BCL11A: variants seen among roughly 807,000 people sequenced by gnomAD.
BCL11A encodes BCL11 transcription factor A, also known as B cell CLL/lymphoma 11A.
In BCL11A, 2 loss-of-function variants were observed where a neutral mutation model predicts 55.9. That is an observed-to-expected ratio of 0.04 (90% CI 0.01 to 0.11). The LOEUF is 0.11. Ranked by LOEUF, BCL11A falls within the 10% of genes least tolerant of loss-of-function variation. The probability of loss-of-function intolerance (pLI) is 1.00; values close to 1 mark genes in which losing one functional copy is unlikely to be tolerated. For missense variants in BCL11A, 817 were observed against 1,137.1 expected (o/e 0.72, Z 4.05); for synonymous variants, 465 against 473.4 (o/e 0.98, Z 0.23).
intron 2 of BCL11A, among the ~76,000 whole-genome samples, chr2:60,494,087 C>A (rs920216795): frequency 3.9e-5 from 6 of 152,146 alleles, no homozygotes; most frequent in African/African-American, 1.4e-4. Flanking sequence ...GAACAGAGAC[C>A]ACTACTGGCA....
intron 3 of BCL11A, among the ~76,000 whole-genome samples, chr2:60,463,889 ACAGCTAGTATTTGT>A (rs1281798623): frequency 6.6e-6 from 1 of 151,346 alleles, no homozygotes; most frequent in Non-Finnish European, 1.5e-5. Context: ...CTTTAAGGCC[ACAGCTAGTATTTGT>A]CAGTAACTTT....
At chr2:60,485,263 G>A (rs557966180) in intron 2 of BCL11A, among the ~76,000 whole-genome samples, 2 of 152,346 alleles carry the variant, frequency 1.3e-5, no homozygotes, top group South Asian at 4.1e-4. Context: ...GAGGTGGGGT[G>A]AGAGGCCATA....
chr2:60,551,798 T>C (rs1670424256), intron 1 of BCL11A, among the ~76,000 whole-genome samples: 1 of 150,336 alleles, frequency 6.7e-6, no homozygotes, highest in African/African-American at 2.4e-5. Flanking sequence ...GGGTGGGCGA[T>C]CCGGGGCTGG....
intron 2 of BCL11A, among the ~76,000 whole-genome samples, chr2:60,519,438 T>C (rs1395063646): frequency 6.6e-6 from 1 of 152,196 alleles, no homozygotes; most frequent in African/African-American, 2.4e-5. Context: ...CTTTATGCAG[T>C]GCCAAAAATG....
chr2:60,519,460 T>A (rs1398318797), intron 2 of BCL11A, among the ~76,000 whole-genome samples: 2 of 152,200 alleles, frequency 1.3e-5, no homozygotes, highest in Non-Finnish European at 2.9e-5. Flanking sequence ...GTCTATAACC[T>A]GTAAGGAGAG....
intron 2 of BCL11A, chr2:60,527,385 C>G (rs1007227691): frequency 2.0e-5 from 3 of 152,180 alleles, no homozygotes; most frequent in Admixed American, 1.3e-4. Context: ...AAGGGAGAAC[C>G]ACTACACTCT....
chr2:60,467,080 G>GGTGGTGATGATGGTGGTGGTA (rs1676658301), intron 3 of BCL11A, among the ~76,000 whole-genome samples: 2 of 150,126 alleles, frequency 1.3e-5, no homozygotes, highest in South Asian at 2.1e-4. Flanking sequence ...CAGTGGTGGT[G>GGTGGTGATGATGGTGGTGGTA]GTGGTGGTGG....
chr2:60,492,795 G>A (rs986955264), intron 2 of BCL11A, among the ~76,000 whole-genome samples: 7 of 152,150 alleles, frequency 4.6e-5, no homozygotes. Flanking sequence ...TCCAGTGGTG[G>A]GTGTTTTGTT....
intron 1 of BCL11A, among the ~76,000 whole-genome samples, chr2:60,550,412 C>T (rs370641224): frequency 6.6e-6 from 1 of 152,218 alleles, no homozygotes; most frequent in Admixed American, 6.5e-5. Flanking sequence ...CCCACCCCCA[C>T]CCTCGCAAAG....
chr2:60,451,133 A>G, downstream of BCL11A: 1 of 185,052 alleles, frequency 5.4e-6, no homozygotes, highest in Non-Finnish European at 1.1e-5. Context: ...TGCACGAGAC[A>G]GCACTGTATA....
chr2:60,466,416 G>C (rs554662309), intron 3 of BCL11A, among the ~76,000 whole-genome samples: 1 of 152,206 alleles, frequency 6.6e-6, no homozygotes, highest in East Asian at 1.9e-4. Context: ...AGCATGCAGG[G>C]ACTAGAAACC....
chr2:60,531,551 A>T (rs1367515860), intron 2 of BCL11A, among the ~76,000 whole-genome samples: 1 of 152,264 alleles, frequency 6.6e-6, no homozygotes, highest in Non-Finnish European at 1.5e-5. Context: ...AAATAGATTC[A>T]TAAGCCTTGG....
intron 2 of BCL11A, among the ~76,000 whole-genome samples, chr2:60,530,482 G>A (rs751691090): frequency 6.6e-6 from 1 of 151,682 alleles, no homozygotes; most frequent in Non-Finnish European, 1.5e-5. Context: ...GGTTACTGGC[G>A]TTATCACAAC....
chr2:60,521,444 A>C (rs992395622), intron 2 of BCL11A, among the ~76,000 whole-genome samples: 1 of 152,206 alleles, frequency 6.6e-6, no homozygotes, highest in Non-Finnish European at 1.5e-5. Context: ...GGCAGAGACG[A>C]GGCCCACCAT....
intron 2 of BCL11A, among the ~76,000 whole-genome samples, chr2:60,495,951 C>T (rs1373380809): frequency 8.8e-6 from 1 of 113,332 alleles, no homozygotes; most frequent in East Asian, 4.4e-4. Context: ...GGTGTTTTCA[C>T]TATTCTTAGC....
At chr2:60,533,477 T>C (rs1405790407) in intron 2 of BCL11A, 1 of 152,238 alleles carries the variant, frequency 6.6e-6, no homozygotes, top group Non-Finnish European at 1.5e-5. Flanking sequence ...AAGTTAGTGT[T>C]GCTTGTTTTG....
Position 60,469,963 on chromosome 2 carries a change from A to G in BCL11A, c.386-1130T>C, listed in dbSNP as rs527864479. Among the ~76,000 whole-genome samples, 6 of 152,296 alleles carry G rather than the reference A, an allele frequency of 3.9e-5. No individual in the cohort carries two copies. In the South Asian group the frequency reaches 1.2e-3, roughly 32 times the overall value. On this transcript the variant is annotated intron_variant, in intron 2 of 3. Transcript: ENST00000642384. ...GTATGTTTTCCATTAGCTTAATATT[A>G]AGAGCACTTAGAAGTGTTGTTGTTG...
intron 2 of BCL11A, among the ~76,000 whole-genome samples, chr2:60,512,685 A>T (rs1260370812): frequency 6.6e-6 from 1 of 152,198 alleles, no homozygotes; most frequent in Non-Finnish European, 1.5e-5. Context: ...ATCTAATTGG[A>T]GATGGTTTCA....
intron 2 of BCL11A, among the ~76,000 whole-genome samples, chr2:60,511,405 T>C (rs1162897611): frequency 6.6e-6 from 1 of 152,252 alleles, no homozygotes; most frequent in African/African-American, 2.4e-5. Context: ...AATGTCATTC[T>C]ATGTGACTCC....
Sources: allele counts gnomAD v4.1 joint callset (sites outside exome capture counted in the v4.1 genomes callset), GRCh38; gene constraint gnomAD v4.1.1; transcripts MANE v1.5; gene names NCBI Gene and HGNC (gene_info 2026-07-23, HGNC 2026-07-21).